The following VTI1A variants were observed in gnomAD, a reference collection of about 807,000 sequenced individuals.
VTI1A encodes vesicle transport through interaction with t-SNAREs homolog 1A.
A neutral mutation model predicts 34.9 loss-of-function variants in VTI1A; 22 were observed. That is an observed-to-expected ratio of 0.63 (90% CI 0.45 to 0.90). VTI1A has a LOEUF of 0.90. VTI1A is among the 40% of genes least tolerant of loss of function. The pLI, the probability that VTI1A is intolerant of heterozygous loss-of-function variation, is 0.00. For synonymous variants in VTI1A, 87 were observed against 97.3 expected (o/e 0.89, Z 0.62); for missense variants, 268 against 275.6 (o/e 0.97, Z 0.20).
chr10:112,504,940 G>GT (rs1849376215), intron 3 of VTI1A, among the ~76,000 whole-genome samples: 1 of 151,382 alleles, frequency 6.6e-6, no homozygotes, highest in African/African-American at 2.4e-5. Flanking sequence ...AGTTTTTTTG[G>GT]TGGGGGGGTG....
At chr10:112,468,452 G>C (rs984197031) in intron 3 of VTI1A, among the ~76,000 whole-genome samples, 10 of 152,166 alleles carry the variant, frequency 6.6e-5, no homozygotes, top group Non-Finnish European at 1.5e-5. Context: ...AGAAAGGCTA[G>C]CAGAGATGGT....
At chr10:112,527,766 C>T (rs1163501161) in intron 4 of VTI1A, among the ~76,000 whole-genome samples, 1 of 151,512 alleles carries the variant, frequency 6.6e-6, no homozygotes, top group African/African-American at 2.4e-5. Context: ...AGTTTAAGAT[C>T]TGCGTAGGCC....
chr10:112,800,084 G>T (rs1852824932), intron 7 of VTI1A, among the ~76,000 whole-genome samples: 1 of 152,180 alleles, frequency 6.6e-6, no homozygotes, highest in Admixed American at 6.5e-5. Flanking sequence ...CATCAGGAAA[G>T]AAAAAGGTGT....
chr10:112,658,175 T>C (rs1259319289), intron 5 of VTI1A, among the ~76,000 whole-genome samples: 5 of 152,018 alleles, frequency 3.3e-5, no homozygotes, highest in South Asian at 2.1e-4. Context: ...GCAGCCTCAA[T>C]CTCCTAACCT....
chr10:112,743,842 A>T (rs966409284), intron 7 of VTI1A, among the ~76,000 whole-genome samples: 1 of 152,218 alleles, frequency 6.6e-6, no homozygotes, highest in Non-Finnish European at 1.5e-5. Flanking sequence ...TATAGGACAT[A>T]ATATAATGAA....
chr10:112,584,059 A>G (rs1230055165), intron 5 of VTI1A, among the ~76,000 whole-genome samples: 1 of 152,208 alleles, frequency 6.6e-6, no homozygotes, highest in Non-Finnish European at 1.5e-5. Flanking sequence ...CATAGGGGCA[A>G]ATGCACTGTA....
the VTI1A span, among the ~76,000 whole-genome samples, chr10:112,828,105 G>A: frequency 3.3e-5 from 5 of 152,188 alleles, no homozygotes; most frequent in Non-Finnish European, 5.9e-5. Flanking sequence ...CAATTAGGTC[G>A]CCGTGGAAAA....
chr10:112,486,654 C>T (rs899076481), intron 3 of VTI1A, among the ~76,000 whole-genome samples: 1 of 151,790 alleles, frequency 6.6e-6, no homozygotes, highest in African/African-American at 2.4e-5. Context: ...ACAGAATATA[C>T]AGTTGTATAT....
At chr10:112,551,795 G>A (rs1261978375) in intron 5 of VTI1A, among the ~76,000 whole-genome samples, 1 of 152,162 alleles carries the variant, frequency 6.6e-6, no homozygotes, top group African/African-American at 2.4e-5. Flanking sequence ...GGAGGAAGGA[G>A]AAGTAAGTAA....
At chr10:112,627,940 G>A (rs1430012317) in intron 5 of VTI1A, among the ~76,000 whole-genome samples, 1 of 152,208 alleles carries the variant, frequency 6.6e-6, no homozygotes, top group Non-Finnish European at 1.5e-5. Context: ...GCAAGACTCT[G>A]AGGGATATTT....
intron 3 of VTI1A, among the ~76,000 whole-genome samples, chr10:112,490,714 T>A (rs1417690509): frequency 6.6e-6 from 1 of 151,866 alleles, no homozygotes; most frequent in Non-Finnish European, 1.5e-5. Context: ...CTCTTAGCGA[T>A]CCCTTTGATC....
chr10:112,675,656 C>T (rs999668998), intron 7 of VTI1A, among the ~76,000 whole-genome samples: 1 of 152,194 alleles, frequency 6.6e-6, no homozygotes, highest in African/African-American at 2.4e-5. Flanking sequence ...ATCTCCCTTA[C>T]CTCCGGAATT....
At chr10:112,642,874 A>G (rs894305505) in intron 5 of VTI1A, among the ~76,000 whole-genome samples, 5 of 152,080 alleles carry the variant, frequency 3.3e-5, no homozygotes, top group Non-Finnish European at 7.4e-5. Context: ...TTGCCAGCTA[A>G]GTTGATCATG....
intron 5 of VTI1A, among the ~76,000 whole-genome samples, chr10:112,609,760 G>A (rs939588107): frequency 5.9e-5 from 9 of 152,050 alleles, no homozygotes; most frequent in Admixed American, 3.3e-4. Context: ...AATCACATTG[G>A]TGAATTAAAT....
chr10:112,607,383 T>G (rs994498845), intron 5 of VTI1A, among the ~76,000 whole-genome samples: 5 of 152,010 alleles, frequency 3.3e-5, no homozygotes, highest in Non-Finnish European at 7.4e-5. Flanking sequence ...GCAGTTATAC[T>G]TCCCCTGTTA....
chr10:112,617,787 A>T (rs191724902), intron 5 of VTI1A, among the ~76,000 whole-genome samples: 267 of 152,280 alleles, frequency 1.8e-3, no homozygotes, highest in African/African-American at 6.1e-3. Flanking sequence ...TTTAAAAGCC[A>T]AAAAAAGGAA....
At chr10:112,488,616 G>A (rs1237691221) in intron 3 of VTI1A, among the ~76,000 whole-genome samples, 2 of 152,174 alleles carry the variant, frequency 1.3e-5, no homozygotes, top group African/African-American at 2.4e-5. Flanking sequence ...GTACCACTTT[G>A]TCTTCTATAA....
intron 7 of VTI1A, among the ~76,000 whole-genome samples, chr10:112,700,208 G>A (rs1272598365): frequency 1.3e-5 from 2 of 149,230 alleles, no homozygotes; most frequent in Non-Finnish European, 3.0e-5. Context: ...CTAAGACCCA[G>A]ATATCTTAAG....
At chr10:112,781,787 G>A (rs556647579) in intron 7 of VTI1A, among the ~76,000 whole-genome samples, 7 of 152,134 alleles carry the variant, frequency 4.6e-5, no homozygotes, top group South Asian at 4.2e-4. Context: ...CCCAGGAGGC[G>A]GAGCTTGCAG....
Sources: allele counts gnomAD v4.1 joint callset (sites outside exome capture counted in the v4.1 genomes callset), GRCh38; gene constraint gnomAD v4.1.1; transcripts MANE v1.5; gene names NCBI Gene and HGNC (gene_info 2026-07-23, HGNC 2026-07-21).